The following TCERG1 variants were observed in gnomAD, a reference collection of about 807,000 sequenced individuals.
The protein encoded by TCERG1 is transcription elongation regulator 1.
Under a neutral mutation model 144.7 loss-of-function variants are expected in TCERG1, and 37 were observed. That is an observed-to-expected ratio of 0.26 (90% CI 0.20 to 0.34). The LOEUF is 0.34. Among genes scored for constraint, TCERG1 ranks in the 10% least tolerant of loss-of-function variants. TCERG1 has a pLI of 1.00. For synonymous variants in TCERG1, 492 were observed against 458.2 expected, an observed-to-expected ratio of 1.07 and a Z score of -0.94; for missense variants, 1,027 against 1,380.7, an observed-to-expected ratio of 0.74 and a Z score of 4.06.
chr5:146,447,348 T>A lies in TCERG1; in HGVS notation c.-2T>A. ...GCGGGTGGATGAACGCGGCCCTCTG[T>A]AATGGCGGAGCGTGGCGGGGACGGG... On this transcript the variant is annotated 5_prime_UTR_variant, in exon 1 of 23. Transcript: ENST00000679501. The A allele has an allele frequency of 6.2e-7, 1 of 1,612,068 alleles. No individual in the cohort carries two copies. The highest frequency in any genetic ancestry group is 8.5e-7 in the Non-Finnish European group (1 of 1,179,228).
At chr5:146,498,809 TTTAAG>T (rs1767168991) in intron 17 of TCERG1, 123 bp downstream of exon 17, 1 of 1,027,038 alleles carries the variant, frequency 9.7e-7, no homozygotes, top group Non-Finnish European at 1.3e-6. Flanking sequence ...GGACTGTTCT[TTTAAG>T]TTAACTTTTA....
intron 17 of TCERG1, among the ~76,000 whole-genome samples, chr5:146,501,299 A>G (rs1767423920): frequency 6.6e-6 from 1 of 151,938 alleles, no homozygotes; most frequent in Non-Finnish European, 1.5e-5. Flanking sequence ...ATGGTAAATG[A>G]CATTTTTTTG....
intron 15 of TCERG1, among the ~76,000 whole-genome samples, chr5:146,485,608 G>C (rs1328334985): frequency 6.6e-6 from 1 of 152,148 alleles, no homozygotes; most frequent in African/African-American, 2.4e-5. Flanking sequence ...AATTACGTTT[G>C]AAAAGAGAAA....
chr5:146,511,805 T>A lies in TCERG1; in HGVS notation c.*1163T>A, dbSNP rs1273038853. The A allele has an allele frequency of 6.6e-6, 1 of 152,202 alleles. No homozygotes were observed. The highest frequency in any genetic ancestry group is 2.4e-5 in the African/African-American group (1 of 41,470). 9.4% of individuals were successfully genotyped at this position (152,202 alleles called of 1,614,324 possible). ...TTAATGTATGATGGTTTGCGCCTTT[T>A]TGGCATTCTTTCAACATGTCGTGTA... On this transcript the variant is annotated 3_prime_UTR_variant, in exon 23 of 23. Coordinates refer to ENST00000679501, the MANE Select transcript of TCERG1 (RefSeq NM_001382548.1).
intron 9 of TCERG1, among the ~76,000 whole-genome samples, chr5:146,472,496 C>T (rs1226920426): frequency 6.6e-6 from 1 of 152,122 alleles, no homozygotes; most frequent in Non-Finnish European, 1.5e-5. Flanking sequence ...TGGGGTGCCA[C>T]AAACCACACC....
At chr5:146,474,964 C>T (rs931381173) in intron 9 of TCERG1, among the ~76,000 whole-genome samples, 11 of 152,062 alleles carry the variant, frequency 7.2e-5, no homozygotes, top group African/African-American at 2.4e-4. Flanking sequence ...CCACAATATC[C>T]GAGGTACGCC....
chr5:146,492,124 T>C (rs1397134082), intron 15 of TCERG1, among the ~76,000 whole-genome samples: 1 of 152,228 alleles, frequency 6.6e-6, no homozygotes, highest in South Asian at 2.1e-4. Context: ...TAACAACTTA[T>C]TAAATAGCTT....
chr5:146,484,466 T>A (rs1765642851), intron 15 of TCERG1, among the ~76,000 whole-genome samples: 1 of 152,196 alleles, frequency 6.6e-6, no homozygotes, highest in Non-Finnish European at 1.5e-5. Context: ...AGTGCCCATC[T>A]TTGATATTTT....
chr5:146,488,485 A>G (rs143314754), intron 15 of TCERG1, among the ~76,000 whole-genome samples: 1 of 152,194 alleles, frequency 6.6e-6, no homozygotes, highest in Non-Finnish European at 1.5e-5. Context: ...AATGCTCAAC[A>G]TCACTAATCA....
intron 16 of TCERG1, among the ~76,000 whole-genome samples, chr5:146,497,414 T>C (rs1767027390): frequency 6.6e-6 from 1 of 152,208 alleles, no homozygotes; most frequent in South Asian, 2.1e-4. Flanking sequence ...CCTGACGTGC[T>C]GGGATTGCAT....
Position 146,511,432 on chromosome 5 carries a change from T to A in TCERG1, c.*790T>A, listed in dbSNP as rs540324536. The A allele has an allele frequency of 2.6e-5, 4 of 152,678 alleles. No individual in the cohort carries two copies. The highest frequency in any genetic ancestry group is 5.9e-5 in the Non-Finnish European group (4 of 68,044). 9.5% of individuals were successfully genotyped at this position (152,678 alleles called of 1,614,324 possible). ...CTCCTGTTTGAATGTTAAACTTTGT[T>A]GCTAAAGTTTAATTTTAAGATGTTT... On this transcript the variant is annotated 3_prime_UTR_variant, in exon 23 of 23. Coordinates refer to ENST00000679501, the MANE Select transcript of TCERG1 (RefSeq NM_001382548.1).
chr5:146,506,211 T>A (rs1166349502), intron 19 of TCERG1, among the ~76,000 whole-genome samples: 1 of 152,264 alleles, frequency 6.6e-6, no homozygotes, highest in Non-Finnish European at 1.5e-5. Context: ...AATGTTTTTG[T>A]ATTTTTGTTT....
chr5:146,462,120 G>A (rs951865665), intron 4 of TCERG1: 3 of 152,556 alleles, frequency 2.0e-5, no homozygotes, highest in Non-Finnish European at 2.9e-5. Flanking sequence ...TAACAAGTAC[G>A]AAATTGCTCA....
At chr5:146,491,766 T>A (rs7704580) in intron 15 of TCERG1, among the ~76,000 whole-genome samples, 87,844 of 152,042 alleles carry the variant, frequency 0.58, 26,386 homozygotes, top group Non-Finnish European at 0.65. Context: ...AAGAGTCAGA[T>A]AATTTGTATT....
At chr5:146,470,816 G>A (rs956340914) in intron 8 of TCERG1, 68 bp downstream of exon 8, 1 of 1,088,434 alleles carries the variant, frequency 9.2e-7, no homozygotes, top group Non-Finnish European at 1.3e-6. Context: ...TTGTATCTGA[G>A]TATCTATTGG....
intron 17 of TCERG1, chr5:146,499,732 G>A (rs976302871): frequency 1.3e-5 from 2 of 152,188 alleles, no homozygotes; most frequent in African/African-American, 4.8e-5. Context: ...TGCTTTTATA[G>A]AAATTAAATG....
rs771226523 is a variant in TCERG1, at chr5:146,506,996, T to A, written c.2782-32T>A. ...CAAATGGACATTCAGATAAGTCTCT[T>A]TGGTGATATATATATAATTTTTTCT... On this transcript the variant is annotated intron_variant, in intron 19 of 22. Coordinates refer to ENST00000679501, the MANE Select transcript of TCERG1 (RefSeq NM_001382548.1). 6 of 1,507,390 alleles carry A rather than the reference T, an allele frequency of 4.0e-6. No individual in the cohort carries two copies. The African/African-American group carries it at 7.1e-5, about 18-fold the overall frequency. The allele number at this position is 1,507,390 out of a possible 1,614,324, so 93.4% of individuals were successfully genotyped here. A position where few individuals can be genotyped will look rare whatever the true frequency, so the allele number is the denominator to read the frequency against.
intron 13 of TCERG1, chr5:146,481,627 C>G (rs1181881703): frequency 6.6e-6 from 1 of 152,124 alleles, no homozygotes; most frequent in Non-Finnish European, 1.5e-5. Flanking sequence ...TCCACATGTT[C>G]TGTTTTCCTA....
intron 1 of TCERG1, among the ~76,000 whole-genome samples, chr5:146,449,575 C>A (rs1581350683): frequency 6.6e-6 from 1 of 152,292 alleles, no homozygotes; most frequent in East Asian, 1.9e-4. Context: ...TCTTGCCCCT[C>A]CAGTTAAAGT....
Sources: gnomAD v4.1 joint callset for allele counts (sites outside exome capture counted in the v4.1 genomes callset) on GRCh38, gnomAD v4.1.1 for gene constraint, MANE v1.5 for transcripts, NCBI Gene and HGNC (gene_info 2026-07-23, HGNC 2026-07-21) for gene names.